The following PKHD1 variants were observed in gnomAD, a reference collection of about 807,000 sequenced individuals.
The protein encoded by PKHD1 is PKHD1 ciliary IPT domain containing fibrocystin/polyductin, also known as fibrocystin.
In PKHD1, 291 loss-of-function variants were observed where a neutral mutation model predicts 412.0. The observed-to-expected ratio is 0.71, with a 90% CI of 0.64 to 0.78. PKHD1 has a LOEUF of 0.78. Among genes scored for constraint, PKHD1 ranks in the 30% least tolerant of loss-of-function variants. The probability of loss-of-function intolerance (pLI) is 0.00; values close to 1 mark genes in which losing one functional copy is unlikely to be tolerated. For missense variants in PKHD1, 4,825 were observed against 4,950.7 expected (o/e 0.97, Z 0.76); for synonymous variants, 1,777 against 1,821.5 (o/e 0.98, Z 0.62).
chr6:51,636,294 C>T (rs538050965), intron 64 of PKHD1, among the ~76,000 whole-genome samples: 40 of 152,170 alleles, frequency 2.6e-4, no homozygotes, highest in South Asian at 4.2e-4. Flanking sequence ...AGACCAGGCA[C>T]GGGGACTAAT....
At chr6:51,712,611 T>C (rs1780790342) in intron 60 of PKHD1, among the ~76,000 whole-genome samples, 1 of 152,170 alleles carries the variant, frequency 6.6e-6, no homozygotes, top group Non-Finnish European at 1.5e-5. Flanking sequence ...GAACAAAACA[T>C]TTGTAATTAA....
intron 64 of PKHD1, among the ~76,000 whole-genome samples, chr6:51,634,615 G>A (rs1768304675): frequency 6.6e-6 from 1 of 152,146 alleles, no homozygotes. Context: ...AAACAAATTA[G>A]GATGTGACAC....
intron 36 of PKHD1, among the ~76,000 whole-genome samples, chr6:51,956,556 T>C (rs1791176111): frequency 6.6e-6 from 1 of 152,080 alleles, no homozygotes; most frequent in Admixed American, 6.6e-5. Flanking sequence ...TCCTTTGTCT[T>C]TTTTGAGCTT....
intron 63 of PKHD1, among the ~76,000 whole-genome samples, chr6:51,643,152 CAGT>C (rs142856018): frequency 0.012 from 1,781 of 152,260 alleles, 16 homozygotes; most frequent in Non-Finnish European, 0.018. Context: ...AAAACACCAA[CAGT>C]AGCAAAATGG....
intron 36 of PKHD1, among the ~76,000 whole-genome samples, chr6:51,942,082 C>T (rs923772720): frequency 2.0e-5 from 3 of 151,654 alleles, no homozygotes; most frequent in Non-Finnish European, 4.4e-5. Flanking sequence ...GTTTTGCCAT[C>T]CTAACAAAGC....
At chr6:52,032,904 CA>C in intron 29 of PKHD1, 125 bp downstream of exon 29, 1 of 836,714 alleles carries the variant, frequency 1.2e-6, no homozygotes, top group Non-Finnish European at 2.0e-6. Flanking sequence ...ATGAAAAAAG[CA>C]ATCTCCTAGC....
rs542492572 is a variant in PKHD1, at chr6:51,721,723, T to C, written c.10156+22662A>G. ...CTGACTACGGACAATGGTGTCACTG[T>C]TGACACCCTCTCCACAGTCCCCAAA... On this transcript the variant is annotated intron_variant, in intron 60 of 66. Coordinates refer to ENST00000371117, the MANE Select transcript of PKHD1 (RefSeq NM_138694.4). The C allele has an allele frequency of 1.2e-5, 16 of 1,359,836 alleles. No homozygotes were observed. The East Asian group carries it at 2.2e-4, about 19-fold the overall frequency. 84.2% of individuals were successfully genotyped at this position (1,359,836 alleles called of 1,614,324 possible).
At chr6:51,677,438 G>A (rs375190895) in intron 60 of PKHD1, among the ~76,000 whole-genome samples, 2 of 152,254 alleles carry the variant, frequency 1.3e-5, no homozygotes, top group South Asian at 4.1e-4. Context: ...AGAACAGGAA[G>A]CTGCTGTATG....
In PKHD1 at chr6:51,746,858, G is replaced by A. The variant is rs748369853; in HGVS notation, c.9861C>T (p.Cys3287=). Residue 3287 remains cysteine (C), a synonymous_variant, in exon 59 of 67, where the codon TGC becomes TGT. Transcript: ENST00000371117. ...DVTFSSFVKS[C]YSDDLDVCIL... is the part of the protein sequence containing the mutation. ...TGCAGACATCCAGGTCATCGCTATAGCAACTCTTCACAAAACTAGAAAAGG... is the reference window on the plus strand; with the variant it reads ...TGCAGACATCCAGGTCATCGCTATAACAACTCTTCACAAAACTAGAAAAGG... The A allele has an allele frequency of 2.5e-6, 4 of 1,608,434 alleles. No homozygotes were observed. The highest frequency in any genetic ancestry group is 2.7e-5 in the African/African-American group (2 of 74,758).
At position 51,763,962 on chromosome 6, in the gene PKHD1, T is replaced by TTA. The variant is rs547261804; in HGVS notation, c.8642+8739_8642+8740insTA. 2.2e-3 allele frequency among the ~76,000 whole-genome samples: 325 copies of TTA among 149,326 alleles called. 2 individuals are homozygous for TTA. Among genetic ancestry groups the TTA allele is most frequent in the Middle Eastern group, 6.8e-3 (2 of 292 alleles). On this transcript the variant is annotated intron_variant, in intron 55 of 66. Coordinates refer to ENST00000371117, the MANE Select transcript of PKHD1 (RefSeq NM_138694.4). ...AAACTAAAATTCTTTTTTTTTTTTTTATTATACTTTAAGTTTTAGGGTACA... is the reference window on the plus strand; with the variant it reads ...AAACTAAAATTCTTTTTTTTTTTTTTTAATTATACTTTAAGTTTTAGGGTACA...
At chr6:51,963,044 C>T (rs1792304571) in intron 35 of PKHD1, among the ~76,000 whole-genome samples, 1 of 152,012 alleles carries the variant, frequency 6.6e-6, no homozygotes, top group African/African-American at 2.4e-5. Flanking sequence ...TGGTGCCATA[C>T]ATGCTTTTAC....
intron 7 of PKHD1, 91 bp from the exon 8 acceptor site, chr6:52,072,280 G>A: frequency 1.2e-6 from 1 of 826,054 alleles, no homozygotes; most frequent in Non-Finnish European, 2.1e-6. Flanking sequence ...AGGAAACATG[G>A]CTATGAACAC....
intron 36 of PKHD1, among the ~76,000 whole-genome samples, chr6:51,934,994 G>A (rs1167033262): frequency 6.6e-6 from 1 of 152,156 alleles, no homozygotes; most frequent in Non-Finnish European, 1.5e-5. Flanking sequence ...ATTCTAAGGA[G>A]CCTGGGAAGA....
intron 50 of PKHD1, among the ~76,000 whole-genome samples, chr6:51,843,989 T>C (rs1040633279): frequency 6.6e-6 from 1 of 152,320 alleles, no homozygotes; most frequent in African/African-American, 2.4e-5. Flanking sequence ...CACAAAAATC[T>C]AGTAAAAGAA....
chr6:52,036,066 C>A (rs1803903953), intron 27 of PKHD1, among the ~76,000 whole-genome samples: 1 of 152,162 alleles, frequency 6.6e-6, no homozygotes, highest in South Asian at 2.1e-4. Context: ...AAAACATATT[C>A]TTTTCCTAAG....
rs149578302 is a variant in PKHD1, at chr6:52,032,568, C to T, written c.3364+462G>A. On this transcript the variant is annotated intron_variant, in intron 29 of 66. Transcript: ENST00000371117. ...TCAAAAAGCAGTATTTTACAGTTAA[C>T]TACAAGTAGATAAGTACTTGGTATA... Among the ~76,000 whole-genome samples the T allele has an allele frequency of 6.4e-4, 97 of 152,268 alleles. No homozygotes were observed. The East Asian group carries it at 0.017, about 27-fold the overall frequency.
intron 60 of PKHD1, among the ~76,000 whole-genome samples, chr6:51,681,300 T>C (rs1185719285): frequency 6.6e-6 from 1 of 152,056 alleles, no homozygotes; most frequent in Admixed American, 6.6e-5. Flanking sequence ...GAAGATTTAA[T>C]GCTGTGAATA....
At chr6:51,915,181 G>T (rs1201151223) in intron 37 of PKHD1, among the ~76,000 whole-genome samples, 2 of 152,016 alleles carry the variant, frequency 1.3e-5, no homozygotes, top group East Asian at 1.9e-4. Context: ...TGAACCTGAG[G>T]GAATAATTTG....
intron 35 of PKHD1, among the ~76,000 whole-genome samples, chr6:52,009,560 G>C (rs1275606267): frequency 6.6e-6 from 1 of 152,170 alleles, no homozygotes; most frequent in Non-Finnish European, 1.5e-5. Context: ...ACCTAAGGGA[G>C]TAGGTGCTCA....
Sources: gnomAD v4.1 joint callset for allele counts (sites outside exome capture counted in the v4.1 genomes callset) on GRCh38, gnomAD v4.1.1 for gene constraint, MANE v1.5 for transcripts, NCBI Gene and HGNC (gene_info 2026-07-23, HGNC 2026-07-21) for gene names.